MEF2C: variants seen among roughly 807,000 people sequenced by gnomAD.
MEF2C encodes the protein myocyte enhancer factor 2C, also known as myocyte-specific enhancer factor 2C.
MEF2C carries 6 observed loss-of-function variants against 50.5 expected under a neutral mutation model. That is an observed-to-expected ratio of 0.12 (90% CI 0.07 to 0.23). The LOEUF is 0.23. Among genes scored for constraint, MEF2C ranks in the 10% least tolerant of loss-of-function variants. The probability of loss-of-function intolerance (pLI) is 1.00; values close to 1 mark genes in which losing one functional copy is unlikely to be tolerated. For missense variants in MEF2C, 276 were observed against 605.0 expected (o/e 0.46, Z 5.70); for synonymous variants, 183 against 228.0 (o/e 0.80, Z 1.78).
At chr5:88,758,676 C>CA (rs1424932408) in intron 4 of MEF2C, among the ~76,000 whole-genome samples, 1 of 152,188 alleles carries the variant, frequency 6.6e-6, no homozygotes, top group African/African-American at 2.4e-5. Context: ...TCCAGCAACT[C>CA]AGAGCGATGT....
chr5:88,862,498 TC>T (rs894338340), intron 1 of MEF2C, among the ~76,000 whole-genome samples: 37 of 152,156 alleles, frequency 2.4e-4, no homozygotes, highest in South Asian at 4.1e-4. Flanking sequence ...TGGTATGACA[TC>T]CCTGAAGTAC....
intron 1 of MEF2C, among the ~76,000 whole-genome samples, chr5:88,840,045 A>G (rs1816764003): frequency 6.6e-6 from 1 of 152,244 alleles, no homozygotes; most frequent in Non-Finnish European, 1.5e-5. Context: ...GGATATTAAT[A>G]TTGGCAAGAG....
intron 1 of MEF2C, among the ~76,000 whole-genome samples, chr5:88,869,298 C>CATAT (rs201507162): frequency 4.9e-5 from 5 of 101,132 alleles, no homozygotes; most frequent in East Asian, 2.6e-4. Context: ...TATATATACA[C>CATAT]ATATATATAT....
At chr5:88,738,499 G>C in intron 6 of MEF2C, 1 of 853,426 alleles carries the variant, frequency 1.2e-6, no homozygotes, top group Non-Finnish European at 1.4e-6. Context: ...GAAGAAAAGA[G>C]AGGTCCAGGA....
chr5:88,852,580 T>C (rs1821782978), intron 1 of MEF2C, among the ~76,000 whole-genome samples: 1 of 152,208 alleles, frequency 6.6e-6, no homozygotes, highest in Admixed American at 6.5e-5. Flanking sequence ...CTCTTAAGAA[T>C]GTAGTTCTAG....
intron 6 of MEF2C, chr5:88,737,557 T>C (rs1764642291): frequency 1.0e-6 from 1 of 985,398 alleles, no homozygotes; most frequent in Non-Finnish European, 1.2e-6. Flanking sequence ...ACTAATTTAC[T>C]CATACAGAAC....
At chr5:88,896,625 G>C (rs1582042123) in intron 1 of MEF2C, among the ~76,000 whole-genome samples, 1 of 152,152 alleles carries the variant, frequency 6.6e-6, no homozygotes, top group African/African-American at 2.4e-5. Context: ...TAAATAAAGA[G>C]TATCCATATC....
At chr5:88,882,542 G>A (rs867861802) in intron 1 of MEF2C, among the ~76,000 whole-genome samples, 5 of 152,150 alleles carry the variant, frequency 3.3e-5, no homozygotes, top group Admixed American at 6.5e-5. Context: ...GGGACTCATG[G>A]GAGCATCTTT....
chr5:88,790,288 C>T (rs531548001), intron 3 of MEF2C, among the ~76,000 whole-genome samples: 1 of 152,298 alleles, frequency 6.6e-6, no homozygotes, highest in East Asian at 1.9e-4. Flanking sequence ...AGTCTACAGA[C>T]ACACTTTCAA....
intron 4 of MEF2C, among the ~76,000 whole-genome samples, chr5:88,760,192 G>C (rs758234837): frequency 2.6e-5 from 4 of 152,234 alleles, no homozygotes; most frequent in Non-Finnish European, 4.4e-5. Context: ...ATTGATGACA[G>C]AATCTAATAA....
chr5:88,756,828 T>C (rs1205086505), intron 4 of MEF2C, among the ~76,000 whole-genome samples: 4 of 151,928 alleles, frequency 2.6e-5, no homozygotes, highest in African/African-American at 7.3e-5. Flanking sequence ...CAAAAAGTAG[T>C]TAAAAACACC....
intron 1 of MEF2C, among the ~76,000 whole-genome samples, chr5:88,856,092 T>A (rs1823229898): frequency 6.6e-6 from 1 of 152,084 alleles, no homozygotes; most frequent in African/African-American, 2.4e-5. Context: ...GCTGAGGTGG[T>A]CTCAGATGGA....
chr5:88,742,967 A>G (rs1767550482), intron 6 of MEF2C: 1 of 973,282 alleles, frequency 1.0e-6, no homozygotes, highest in Non-Finnish European at 1.2e-6. Flanking sequence ...AAATAATAAT[A>G]ATAAAGCAAT....
intron 1 of MEF2C, among the ~76,000 whole-genome samples, chr5:88,893,913 G>T (rs1280521582): frequency 6.6e-6 from 1 of 152,136 alleles, no homozygotes; most frequent in African/African-American, 2.4e-5. Context: ...CAAAAGGCCA[G>T]ATTTCCTACG....
intron 1 of MEF2C, among the ~76,000 whole-genome samples, chr5:88,830,889 A>G (rs1812751769): frequency 6.6e-6 from 1 of 152,092 alleles, no homozygotes; most frequent in African/African-American, 2.4e-5. Context: ...CAGTAAGCAC[A>G]TGCAGCTGGA....
At chr5:88,850,995 T>C (rs536320610) in intron 1 of MEF2C, among the ~76,000 whole-genome samples, 4 of 152,110 alleles carry the variant, frequency 2.6e-5, no homozygotes, top group African/African-American at 2.4e-5. Flanking sequence ...ATTTATAACA[T>C]TTTCTTTTCC....
Position 88,744,063 on chromosome 5 carries a change from C to T in MEF2C, c.637+5007G>A, listed in dbSNP as rs918460545. On this transcript the variant is annotated intron_variant, in intron 6 of 10. Transcript: ENST00000504921. ...TGATCTCAACTATGAATCAATAACT[C>T]CTTGAGCATACTGGTCCTTTCTACT... 4.1e-6 allele frequency: 4 copies of T among 978,808 alleles called. No individual in the cohort carries two copies. In the African/African-American group the frequency reaches 7.0e-5, roughly 17 times the overall value. 60.6% of individuals were successfully genotyped at this position (978,808 alleles called of 1,614,324 possible).
intron 2 of MEF2C, among the ~76,000 whole-genome samples, chr5:88,818,762 G>A (rs967706015): frequency 1.3e-5 from 2 of 151,820 alleles, no homozygotes; most frequent in Admixed American, 6.6e-5. Context: ...TGCTCTACCT[G>A]TTCCACTTTT....
chr5:88,775,747 T>C (rs1322031895), intron 3 of MEF2C: 3 of 865,430 alleles, frequency 3.5e-6, no homozygotes, highest in African/African-American at 1.8e-5. Context: ...ATAATATTCT[T>C]AGGTGTGCAT....
Sources: allele counts gnomAD v4.1 joint callset (sites outside exome capture counted in the v4.1 genomes callset), GRCh38; gene constraint gnomAD v4.1.1; transcripts MANE v1.5; gene names NCBI Gene and HGNC (gene_info 2026-07-23, HGNC 2026-07-21).